Variants in SMG1 observed in about 807,000 individuals in gnomAD.
SMG1 encodes the protein SMG1 nonsense mediated mRNA decay associated PI3K related kinase.
SMG1 carries 22 observed loss-of-function variants against 419.9 expected under a neutral mutation model. That is an observed-to-expected ratio of 0.05 (90% CI 0.04 to 0.07). SMG1 has a LOEUF of 0.07. SMG1 is among the 10% of genes least tolerant of loss of function. The pLI is 1.00. For synonymous variants in SMG1, 1,538 were observed against 1,553.5 expected (o/e 0.99, Z 0.23); for missense variants, 3,185 against 4,342.0 (o/e 0.73, Z 7.49).
chr16:18,828,870 T>C (rs2032951097), intron 54 of SMG1, among the ~76,000 whole-genome samples: 2 of 152,134 alleles, frequency 1.3e-5, no homozygotes, highest in Non-Finnish European at 2.9e-5. Flanking sequence ...TGGTGGCACA[T>C]GCCTGTAATC....
chr16:18,873,683 A>C (rs1006117687), intron 13 of SMG1, among the ~76,000 whole-genome samples: 29 of 152,216 alleles, frequency 1.9e-4, no homozygotes, highest in Non-Finnish European at 3.8e-4. Flanking sequence ...GGTCTAAACA[A>C]AGCCCTCTGT....
intron 55 of SMG1, among the ~76,000 whole-genome samples, chr16:18,821,253 T>TTTTTTTTTTTTTTTTTTTTTTTTC (rs2032535390): frequency 8.0e-5 from 2 of 24,846 alleles, no homozygotes; most frequent in African/African-American, 2.3e-4. Flanking sequence ...TTTTTTTTTC[T>TTTTTTTTTTTTTTTTTTTTTTTTC]TTTTTTTTTT....
intron 39 of SMG1, among the ~76,000 whole-genome samples, chr16:18,842,898 T>A (rs1358688715): frequency 1.3e-5 from 2 of 152,206 alleles, no homozygotes. Flanking sequence ...TACATTTAAC[T>A]CAGTACTGGG....
At chr16:18,925,813 A>T (rs2038376185) in intron 1 of SMG1, 137 bp downstream of exon 1, 1 of 575,892 alleles carries the variant, frequency 1.7e-6, no homozygotes, top group Admixed American at 4.4e-5. Flanking sequence ...GCCGGGGCGG[A>T]GGAGACCCAG....
intron 36 of SMG1, among the ~76,000 whole-genome samples, chr16:18,848,721 A>G (rs1003309076): frequency 2.0e-5 from 3 of 152,136 alleles, no homozygotes; most frequent in Admixed American, 1.3e-4. Flanking sequence ...TGTAAAGCAC[A>G]TGTCCTGGTG....
rs1275049108 is a variant in SMG1 at position 18,841,769 on chromosome 16, C to T, written c.6492G>A (p.Glu2164=). 5 of 1,613,762 alleles carry T rather than the reference C, an allele frequency of 3.1e-6. No individual in the cohort carries two copies. The highest frequency in any genetic ancestry group is 1.7e-5 in the Admixed American group (1 of 60,002). The change falls in exon 41 of 63, where the codon GAG becomes GAA. Residue 2164 remains glutamate, a synonymous_variant. Coordinates refer to ENST00000446231, the MANE Select transcript of SMG1 (RefSeq NM_015092.5). ...FKGLEDLHLD[E]RIMQFLSIVN... is the part of the protein sequence containing the mutation. Reference sequence around the variant, plus strand: ...CAATAGATAGGAACTGCATTATTCTCTCATCCAGATGTAAATCCTCCAGTC... The same window carrying T: ...CAATAGATAGGAACTGCATTATTCTTTCATCCAGATGTAAATCCTCCAGTC...
intron 25 of SMG1, among the ~76,000 whole-genome samples, chr16:18,861,763 C>T (rs1398348586): frequency 6.6e-6 from 1 of 152,128 alleles, no homozygotes; most frequent in Non-Finnish European, 1.5e-5. Context: ...CCTATGCTTT[C>T]AGCTAATGAC....
chr16:18,840,139 CTTT>C (rs536002515), intron 41 of SMG1, among the ~76,000 whole-genome samples, 193 bp from the exon 42 acceptor site: 2,780 of 151,984 alleles, frequency 0.018, 86 homozygotes, highest in African/African-American at 0.063. Context: ...TGATATATAC[CTTT>C]TAATTAGGCC....
At chr16:18,858,961 C>A (rs567915422) in intron 28 of SMG1, 61 bp downstream of exon 28, 117 of 974,910 alleles carry the variant, frequency 1.2e-4, no homozygotes, top group African/African-American at 1.0e-3. Flanking sequence ...AAAATAAGGT[C>A]TTTGTTCTAC....
chr16:18,833,279 T>G (rs1293073371), intron 50 of SMG1, 113 bp from the exon 51 acceptor site: 1 of 658,456 alleles, frequency 1.5e-6, no homozygotes, highest in African/African-American at 1.8e-5. Flanking sequence ...TGCCATCAAC[T>G]CATTCATGTA....
chr16:18,851,763 G>A (rs748805777), intron 33 of SMG1, among the ~76,000 whole-genome samples: 4 of 152,014 alleles, frequency 2.6e-5, no homozygotes, highest in Non-Finnish European at 4.4e-5. Context: ...GGCTGGTCTC[G>A]AACTCCTGAC....
chr16:18,816,347 G>A lies in SMG1; in HGVS notation c.10257C>T (p.Asn3419=), dbSNP rs554664850. ...DNIKTVLTGH[N]RQLGDVKHLL... Reference sequence around the variant, plus strand: ...GATGTTTGACATCTCCAAGCTGTCGGTTATGACCAGTGAGCACAGTCTTTA... The same window carrying A: ...GATGTTTGACATCTCCAAGCTGTCGATTATGACCAGTGAGCACAGTCTTTA... Residue 3419 remains asparagine, a synonymous_variant, in exon 58 of 63, where the codon AAC becomes AAT. Coordinates refer to ENST00000446231, the MANE Select transcript of SMG1 (RefSeq NM_015092.5). The A allele has an allele frequency of 3.1e-6, 5 of 1,613,908 alleles. No homozygotes were observed. In the East Asian group the frequency reaches 6.7e-5, roughly 22 times the overall value.
At chr16:18,849,069 C>CAAAAAAAAAAAAAAA (rs58373081) in intron 36 of SMG1, 148 bp downstream of exon 36, 2 of 110,712 alleles carry the variant, frequency 1.8e-5, no homozygotes, top group African/African-American at 7.6e-5. Context: ...GACTCCATCT[C>CAAAAAAAAAAAAAAA]AAAAAAAAAA....
At chr16:18,865,813 C>T (rs1207725403) in intron 23 of SMG1, among the ~76,000 whole-genome samples, 1 of 152,012 alleles carries the variant, frequency 6.6e-6, no homozygotes, top group African/African-American at 2.4e-5. Context: ...CACGTATGTG[C>T]CACCACACCT....
At chr16:18,917,709 C>T (rs2038031941) in intron 1 of SMG1, among the ~76,000 whole-genome samples, 1 of 150,816 alleles carries the variant, frequency 6.6e-6, no homozygotes, top group Non-Finnish European at 1.5e-5. Context: ...TCCCGAGTAG[C>T]TGGGAATACA....
chr16:18,809,478 C>T lies in SMG1; in HGVS notation c.*91G>A, dbSNP rs2141049353. ...AGTAAGCCCCCAGTTGCATCACCAC[C>T]GACTGTGGTGTGGCTTTGGATGCCT... On this transcript the variant is annotated 3_prime_UTR_variant, in exon 63 of 63. Coordinates refer to ENST00000446231, the MANE Select transcript of SMG1 (RefSeq NM_015092.5). The T allele has an allele frequency of 6.4e-6, 6 of 944,382 alleles. No homozygotes were observed. Among genetic ancestry groups the T allele is most frequent in the South Asian group, 4.2e-5 (3 of 71,656 alleles). 58.5% of individuals were successfully genotyped at this position (944,382 alleles called of 1,614,324 possible). A position where few individuals can be genotyped will look rare whatever the true frequency, so the allele number is the denominator to read the frequency against.
rs2031173432 is a variant in SMG1 at position 18,809,550 on chromosome 16, T to C, written c.*19A>G. On this transcript the variant is annotated 3_prime_UTR_variant, in exon 63 of 63. Transcript: ENST00000446231. ...GATGTCTGACCTCGCTTAACCAGACTCATCTACTGTCTTGCCATTCACACC... is the reference window on the plus strand; with the variant it reads ...GATGTCTGACCTCGCTTAACCAGACCCATCTACTGTCTTGCCATTCACACC... 6.3e-7 allele frequency: 1 copy of C among 1,595,986 alleles called. No homozygotes were observed. The highest frequency in any genetic ancestry group is 8.6e-7 in the Non-Finnish European group (1 of 1,166,692).
rs769463529 is a variant in SMG1 at position 18,860,713 on chromosome 16, T to C, written c.3759A>G (p.Pro1253=). 12 of 1,560,416 alleles carry C rather than the reference T, an allele frequency of 7.7e-6. No homozygotes were observed. Among genetic ancestry groups the C allele is most frequent in the Non-Finnish European group, 1.0e-5 (12 of 1,150,684 alleles). ...VECTEQLELL[P]GENINLLAGG... is the part of the protein sequence containing the mutation. Reference sequence around the variant, plus strand: ...CAGCAAGTAGATTGATATTTTCTCCTGGTAACAATTCTAACTGCTCGGTAC... The same window carrying C: ...CAGCAAGTAGATTGATATTTTCTCCCGGTAACAATTCTAACTGCTCGGTAC... The change falls in exon 26 of 63, where the codon CCA becomes CCG. Residue 1253 remains proline (P), a synonymous_variant. Transcript: ENST00000446231.
At chr16:18,916,053 G>C (rs1225988912) in intron 1 of SMG1, among the ~76,000 whole-genome samples, 1 of 108,464 alleles carries the variant, frequency 9.2e-6, no homozygotes, top group African/African-American at 3.7e-5. Context: ...TGGGGGATAA[G>C]AGCGACACTT....
Sources: allele counts gnomAD v4.1 joint callset (sites outside exome capture counted in the v4.1 genomes callset), GRCh38; gene constraint gnomAD v4.1.1; transcripts MANE v1.5; gene names NCBI Gene and HGNC (gene_info 2026-07-23, HGNC 2026-07-21).